DOT1L: variants seen among roughly 807,000 people sequenced by gnomAD.
DOT1L encodes DOT1 like histone lysine methyltransferase, also known as histone-lysine N-methyltransferase, H3 lysine-79 specific.
In DOT1L, 33 loss-of-function variants were observed where a neutral mutation model predicts 153.3. The ratio of observed to expected loss-of-function variants is 0.22; its 90% CI spans 0.16 to 0.29. The LOEUF (loss-of-function observed/expected upper bound fraction) is 0.29, where lower values mean the gene tolerates loss of function less well. Among genes scored for constraint, DOT1L ranks in the 10% least tolerant of loss-of-function variants. DOT1L has a pLI of 1.00. For synonymous variants in DOT1L, 1,135 were observed against 965.1 expected (o/e 1.18, Z -3.26); for missense variants, 1,847 against 2,119.9 (o/e 0.87, Z 2.53).
At chr19:2,166,028 C>CTTT (rs2019905569) in intron 1 of DOT1L, among the ~76,000 whole-genome samples, 1 of 152,132 alleles carries the variant, frequency 6.6e-6, no homozygotes, top group Non-Finnish European at 1.5e-5. Flanking sequence ...CCTCGGCCTC[C>CTTT]CAAAGTGCTG....
At chr19:2,187,783 G>A (rs999204747) in intron 3 of DOT1L, among the ~76,000 whole-genome samples, 21 of 152,214 alleles carry the variant, frequency 1.4e-4, no homozygotes, top group East Asian at 3.9e-4. Context: ...TTAGCCGGGC[G>A]TGGTGGCGGG....
In DOT1L at chr19:2,216,989, C is replaced by G. The variant is rs927931566; in HGVS notation, c.2443C>G (p.Gln815Glu). The change falls in exon 21 of 28, where the codon CAG (glutamine) becomes GAG (glutamate). Residue 815 changes from glutamine (Q) to glutamate (E), a missense_variant. Gln to Glu is a conservative substitution (Grantham distance 29). Around this residue, in one of 8 missense-constraint regions of DOT1L, gnomAD observed 281 missense variants for 263.6 expected, o/e 1.07. Coordinates refer to ENST00000398665, the MANE Select transcript of DOT1L (RefSeq NM_032482.3). ...EHTKENGLPY[Q>E]SPSVPGSMKL... ...CACCAAGGAGAACGGCCTTCCCTACCAGAGCCCCAGCGTGCCTGGCAGCAT... is the reference window on the plus strand; with the variant it reads ...CACCAAGGAGAACGGCCTTCCCTACGAGAGCCCCAGCGTGCCTGGCAGCAT... 2 of 1,613,096 alleles carry G rather than the reference C, an allele frequency of 1.2e-6. No homozygotes were observed. Among genetic ancestry groups the G allele is most frequent in the Non-Finnish European group, 1.7e-6 (2 of 1,179,836 alleles).
chr19:2,216,733 C>G lies in DOT1L; in HGVS notation c.2376C>G (p.Pro792=), dbSNP rs1368748420. Residue 792 remains proline (P), a synonymous_variant, in exon 20 of 28, where the codon CCC becomes CCG. Coordinates refer to ENST00000398665, the MANE Select transcript of DOT1L (RefSeq NM_032482.3). The stretch of plus-strand genomic sequence containing the variant: ...ACCTGAGCCAGGACCACACGGTGCC[C>G]GGCAGGCCGGCTGCCAGTGAGCTGC... The part of the protein sequence containing the change: ...RRHLSQDHTV[P]GRPAASELHS... The G allele has an allele frequency of 6.3e-7, 1 of 1,596,118 alleles. No homozygotes were observed. The highest frequency in any genetic ancestry group is 8.5e-7 in the Non-Finnish European group (1 of 1,176,284).
intron 1 of DOT1L, among the ~76,000 whole-genome samples, chr19:2,168,862 C>T (rs920983423): frequency 1.3e-5 from 2 of 152,188 alleles, no homozygotes; most frequent in Non-Finnish European, 2.9e-5. Flanking sequence ...CATCTACCTG[C>T]CTGGGCCTCC....
At chr19:2,195,376 A>C (rs955871828) in intron 7 of DOT1L, among the ~76,000 whole-genome samples, 5 of 152,072 alleles carry the variant, frequency 3.3e-5, no homozygotes, top group African/African-American at 1.2e-4. Flanking sequence ...TCACAGTCCC[A>C]GCTGCTCAGG....
At chr19:2,209,518 G>A (rs1347721891) in intron 12 of DOT1L, among the ~76,000 whole-genome samples, 1 of 152,204 alleles carries the variant, frequency 6.6e-6, no homozygotes, top group Non-Finnish European at 1.5e-5. Flanking sequence ...GGTGCAGAGT[G>A]CAGCTCCTGG....
Position 2,220,093 on chromosome 19 carries a change from G to A in DOT1L, c.2692-15G>A. On this transcript the variant is annotated splice_polypyrimidine_tract_variant and intron_variant, in intron 22 of 27. Transcript: ENST00000398665. This position sits in a 1 kb window ranked among gnomAD's most constrained non-coding sequence, Gnocchi z 4.5. ...GCACCTGCTGCCCCTGACACACAGG[G>A]TTTTCTCTCTGCAGAGGAGCACCCC... 2 of 1,593,668 alleles carry A rather than the reference G, an allele frequency of 1.3e-6. No individual in the cohort carries two copies. Among genetic ancestry groups the A allele is most frequent in the Non-Finnish European group, 8.6e-7 (1 of 1,165,890 alleles).
At chr19:2,173,801 C>T (rs2144669471) in intron 1 of DOT1L, among the ~76,000 whole-genome samples, 1 of 152,330 alleles carries the variant, frequency 6.6e-6, no homozygotes, top group Admixed American at 6.5e-5. Flanking sequence ...CGGGGTCGCT[C>T]CGGTTGTGTT....
In DOT1L at chr19:2,164,054, C is replaced by G. The variant is rs1599514854; in HGVS notation, c.-131C>G. On this transcript the variant is annotated 5_prime_UTR_variant, in exon 1 of 28. Transcript: ENST00000398665. ...GCGCGGCGGCGGCGGCGGCGGCGGC[C>G]GAGGCCGAGGCCAGGCCCCCTCCCC... 5 of 521,216 alleles carry G rather than the reference C, an allele frequency of 9.6e-6. No homozygotes were observed. The highest frequency in any genetic ancestry group is 8.1e-5 in the South Asian group (1 of 12,288). 32.3% of individuals were successfully genotyped at this position (521,216 alleles called of 1,614,324 possible). A position where few individuals can be genotyped will look rare whatever the true frequency, so the allele number is the denominator to read the frequency against.
rs376175711 is a variant in DOT1L at position 2,211,228 on chromosome 19, G to T, written c.1465+16G>T. The stretch of plus-strand genomic sequence containing the variant: ...AAGCTTCTAGGTGAGCCCGTGTGAG[G>T]CGTCCGGCGAAGGGTTCTGGGCTTG... On this transcript the variant is annotated intron_variant, in intron 15 of 27. Transcript: ENST00000398665. 41 of 1,588,100 alleles carry T rather than the reference G, an allele frequency of 2.6e-5. No individual in the cohort carries two copies. In the African/African-American group the frequency reaches 5.1e-4, roughly 20 times the overall value.
At position 2,230,353 on chromosome 19, in the gene DOT1L, C is replaced by G. The variant is rs1470427379; in HGVS notation, c.*561C>G. Reference sequence around the variant, plus strand: ...GCGGCCTGAGCCCCTTCCTGAGCGCCCTGGCGCCTGCCCTGAGCTCTTCAC... The same window carrying G: ...GCGGCCTGAGCCCCTTCCTGAGCGCGCTGGCGCCTGCCCTGAGCTCTTCAC... On this transcript the variant is annotated 3_prime_UTR_variant, in exon 28 of 28. Transcript: ENST00000398665. The G allele has an allele frequency of 1.2e-5, 5 of 412,424 alleles. No homozygotes were observed. Among genetic ancestry groups the G allele is most frequent in the Non-Finnish European group, 1.7e-5 (4 of 235,022 alleles). The allele number at this position is 412,424 out of a possible 1,614,324, so 25.5% of individuals were successfully genotyped here.
intron 16 of DOT1L, 167 bp downstream of exon 16, chr19:2,212,009 A>C: frequency 2.1e-5 from 13 of 611,110 alleles, no homozygotes; most frequent in Non-Finnish European, 2.8e-5. Context: ...AACCCAAAGA[A>C]TGGACTGAGA....
intron 26 of DOT1L, among the ~76,000 whole-genome samples, chr19:2,225,672 C>T (rs1341768168): frequency 6.6e-6 from 1 of 152,158 alleles, no homozygotes. Context: ...GAGGCCCTCA[C>T]TGCAGCCCAG....
chr19:2,207,142 C>T lies in DOT1L; in HGVS notation c.856+345C>T, dbSNP rs2023529674. On this transcript the variant is annotated intron_variant, in intron 10 of 27. Transcript: ENST00000398665. The surrounding 1 kb of genome is among the most constrained non-coding windows in gnomAD (Gnocchi z 4.5). ...GGCCCACGGTGGGAAGGAGCCGGCC[C>T]CTCCCATGCCCCCTGCCTGCCTTAC... Among the ~76,000 whole-genome samples the T allele has an allele frequency of 6.6e-6, 1 of 152,202 alleles. No homozygotes were observed. The highest frequency in any genetic ancestry group is 6.5e-5 in the Admixed American group (1 of 15,286).
intron 8 of DOT1L, among the ~76,000 whole-genome samples, chr19:2,200,613 G>T (rs527585962): frequency 6.6e-5 from 10 of 152,072 alleles, no homozygotes; most frequent in Non-Finnish European, 1.5e-4. Flanking sequence ...GGGGTCAGCA[G>T]CCGGCTGGGC....
At chr19:2,199,834 G>GCC in intron 7 of DOT1L, 50 bp from the exon 8 acceptor site, 2 of 1,356,686 alleles carry the variant, frequency 1.5e-6, no homozygotes, top group Non-Finnish European at 9.9e-7. Flanking sequence ...GGCGGGCTGG[G>GCC]AGTGCCAGGG....
At chr19:2,219,718 G>A (rs538043262) in intron 22 of DOT1L, among the ~76,000 whole-genome samples, 90 of 152,296 alleles carry the variant, frequency 5.9e-4, no homozygotes, top group African/African-American at 2.0e-3. Flanking sequence ...CGGCAGGTGT[G>A]TTCTCGCAAG....
At chr19:2,206,382 AC>A (rs1479163378) in intron 9 of DOT1L, among the ~76,000 whole-genome samples, 5 of 149,758 alleles carry the variant, frequency 3.3e-5, no homozygotes, top group Non-Finnish European at 5.9e-5. Context: ...GCAGGGTGAA[AC>A]CCGCTCTCTA....
At chr19:2,202,408 GT>G (rs2023328945) in intron 8 of DOT1L, among the ~76,000 whole-genome samples, 1 of 152,242 alleles carries the variant, frequency 6.6e-6, no homozygotes, top group African/African-American at 2.4e-5. Context: ...TTCCCACCTT[GT>G]GTGGGCTGCT....
Sources: gnomAD v4.1 joint callset for allele counts (sites outside exome capture counted in the v4.1 genomes callset) on GRCh38, gnomAD v4.1.1 for gene constraint, gnomAD v4.1.1 regional missense constraint, Gnocchi (gnomAD v3.1) non-coding constraint, MANE v1.5 for transcripts, NCBI Gene and HGNC (gene_info 2026-07-23, HGNC 2026-07-21) for gene names.